The following AR variants were observed in gnomAD, a reference collection of about 807,000 sequenced individuals.
AR encodes the protein dihydrotestosterone receptor.
In AR, 8 loss-of-function variants were observed where a neutral mutation model predicts 53.9. The observed-to-expected ratio is 0.15, with a 90% confidence interval of 0.09 to 0.27. The LOEUF is 0.27. AR is among the 10% of genes least tolerant of loss of function. AR has a pLI of 1.00. For synonymous variants in AR, 359 were observed against 316.4 expected, an observed-to-expected ratio of 1.13 and a Z score of -1.43; for missense variants, 639 against 742.5, an observed-to-expected ratio of 0.86 and a Z score of 1.62.
In AR at chrX:67,545,957, C is replaced by T. The variant is rs2147318568; in HGVS notation, c.811C>T (p.Pro271Ser). The T allele has an allele frequency of 1.6e-6, 2 of 1,212,300 alleles. 1 individual carries two copies. The change falls in exon 1 of 8, where the codon CCA becomes TCA. Residue 271 changes from proline (P) to serine (S), a missense_variant. Coordinates refer to ENST00000374690, the MANE Select transcript of AR (RefSeq NM_000044.6). ...GCTTCGGGGGGATTGCATGTACGCC[C>T]CACTTTTGGGAGTTCCACCCGCTGT... ...EQLRGDCMYA[P>S]LLGVPPAVRP...
At chrX:67,660,084 G>T (rs1926806095) in intron 2 of AR, among the ~76,000 whole-genome samples, 1 of 111,583 alleles carries the variant, frequency 9.0e-6, no homozygotes, top group African/African-American at 3.3e-5. Context: ...TTGTAAATTT[G>T]TTTGAGTTCT....
chrX:67,659,472 G>T (rs986045918), intron 2 of AR, among the ~76,000 whole-genome samples: 1 of 110,789 alleles, frequency 9.0e-6, no homozygotes, highest in Admixed American at 9.7e-5. Flanking sequence ...GCGGTGTTTG[G>T]TTTTTTGTCC....
intron 1 of AR, among the ~76,000 whole-genome samples, chrX:67,614,272 C>A (rs914710911): frequency 9.0e-6 from 1 of 111,588 alleles, no homozygotes. Flanking sequence ...CATGCCAACC[C>A]ATATCCGAGC....
chrX:67,673,223 A>G (rs1438432687), intron 2 of AR, among the ~76,000 whole-genome samples: 3 of 110,067 alleles, frequency 2.7e-5, no homozygotes, highest in Non-Finnish European at 3.8e-5. Flanking sequence ...GAGTTTGATT[A>G]TTAAATGCCT....
chrX:67,589,994 GC>G (rs1240555930), intron 1 of AR, among the ~76,000 whole-genome samples: 3 of 111,882 alleles, frequency 2.7e-5, no homozygotes, highest in Non-Finnish European at 5.6e-5. Context: ...GCTTTCTTTT[GC>G]CTCCCCTTAC....
rs780566519 is a variant in AR at position 67,625,288 on chromosome X, T to G, written c.1617-17968T>G. On this transcript the variant is annotated intron_variant, in intron 1 of 7. Transcript: ENST00000374690. ...AAAAATCTAAATAAATAGAAAAACA[T>G]CCCTTGTTCATGTACTAGAGGACTC... Among the ~76,000 whole-genome samples, 3 of 111,173 alleles carry G rather than the reference T, an allele frequency of 2.7e-5. No homozygotes were observed. In the South Asian group the frequency reaches 1.1e-3, roughly 42 times the overall value.
chrX:67,636,015 A>G (rs952070675), intron 1 of AR, among the ~76,000 whole-genome samples: 1 of 111,639 alleles, frequency 9.0e-6, no homozygotes, highest in Non-Finnish European at 1.9e-5. Context: ...CAAAGAATAC[A>G]TGTAATATAT....
At position 67,728,959 on chromosome X, in the gene AR, A is replaced by C. The variant is rs184236850; in HGVS notation, c.*5118A>C. 23 of 172,787 alleles carry C rather than the reference A, an allele frequency of 1.3e-4. No individual in the cohort carries two copies. The Admixed American group carries it at 1.7e-3, about 12-fold the overall frequency. 14.2% of individuals were successfully genotyped at this position (172,787 alleles called of 1,213,427 possible). ...CAAACTTGGGGCCAAAAGCCTACCC[A>C]AGTGATTGACCAGTGGCCCCCTAAT... On this transcript the variant is annotated 3_prime_UTR_variant, in exon 8 of 8. Transcript: ENST00000374690.
At chrX:67,707,077 C>G (rs763285219) in intron 3 of AR, among the ~76,000 whole-genome samples, 1 of 111,633 alleles carries the variant, frequency 9.0e-6, no homozygotes, top group East Asian at 2.8e-4. Context: ...ACTCAGTGGT[C>G]AATTTTGGAA....
chrX:67,625,906 TA>T (rs1467629547), intron 1 of AR, among the ~76,000 whole-genome samples: 2 of 110,751 alleles, frequency 1.8e-5, no homozygotes, highest in African/African-American at 3.3e-5. Flanking sequence ...AAAATTTTTT[TA>T]AAAAAACCCT....
chrX:67,604,198 A>ATGTG (rs72092334), intron 1 of AR, among the ~76,000 whole-genome samples: 6,665 of 78,026 alleles, frequency 0.085, 297 homozygotes, highest in South Asian at 0.12. Context: ...GGGGAGAAAT[A>ATGTG]TGTGTGTGTG....
rs780793208 is a variant in AR at position 67,681,940 on chromosome X, A to G, written c.1769-4070A>G. On this transcript the variant is annotated intron_variant, in intron 2 of 7. Transcript: ENST00000374690. ...ATGCAAGGATGGTTCAACATATGCAAATCAATAGTATTAACAGAATGAAGG... is the reference window on the plus strand; with the variant it reads ...ATGCAAGGATGGTTCAACATATGCAGATCAATAGTATTAACAGAATGAAGG... 5.7e-4 allele frequency among the ~76,000 whole-genome samples: 64 copies of G among 112,531 alleles called. 2 individuals are homozygous for G. The highest frequency in any genetic ancestry group is 9.3e-3 in the Middle Eastern group (2 of 216).
intron 7 of AR, among the ~76,000 whole-genome samples, chrX:67,723,204 T>C (rs893430512): frequency 3.7e-5 from 4 of 109,324 alleles, no homozygotes; most frequent in Non-Finnish European, 7.6e-5. Flanking sequence ...AACAGAGCAG[T>C]TGGGACTCAG....
chrX:67,716,908 T>C (rs2076115632), intron 4 of AR, among the ~76,000 whole-genome samples: 1 of 112,037 alleles, frequency 8.9e-6, no homozygotes, highest in South Asian at 3.7e-4. Context: ...ATCTGACTGC[T>C]TTGCTTTGTA....
chrX:67,704,749 A>C (rs1340544698), intron 3 of AR, among the ~76,000 whole-genome samples: 2 of 111,904 alleles, frequency 1.8e-5, no homozygotes, highest in Non-Finnish European at 3.8e-5. Context: ...GGTATTGCCT[A>C]GGTTTTCTTC....
intron 1 of AR, among the ~76,000 whole-genome samples, chrX:67,585,775 C>T (rs1190495419): frequency 8.9e-6 from 1 of 111,866 alleles, no homozygotes; most frequent in African/African-American, 3.3e-5. Flanking sequence ...AGTGATTAGC[C>T]CATAACACAA....
At chrX:67,664,798 C>T (rs1307368941) in intron 2 of AR, among the ~76,000 whole-genome samples, 1 of 112,530 alleles carries the variant, frequency 8.9e-6, no homozygotes, top group Non-Finnish European at 1.9e-5. Context: ...TGTTTACCTA[C>T]TCAAGCTTCA....
At chrX:67,638,684 G>A (rs1258829109) in intron 1 of AR, among the ~76,000 whole-genome samples, 1 of 111,668 alleles carries the variant, frequency 9.0e-6, no homozygotes, top group Non-Finnish European at 1.9e-5. Flanking sequence ...TCTTTTTCTT[G>A]TAAATTTGTT....
At chrX:67,558,707 G>C (rs1456080699) in intron 1 of AR, among the ~76,000 whole-genome samples, 1 of 112,173 alleles carries the variant, frequency 8.9e-6, no homozygotes, top group Non-Finnish European at 1.9e-5. Flanking sequence ...AGATCCCAAG[G>C]AGGTTGATCT....
Sources: gnomAD v4.1 joint callset for allele counts (sites outside exome capture counted in the v4.1 genomes callset) on GRCh38, gnomAD v4.1.1 for gene constraint, MANE v1.5 for transcripts, NCBI Gene and HGNC (gene_info 2026-07-23, HGNC 2026-07-21) for gene names.